TCF12: variants seen among roughly 807,000 people sequenced by gnomAD.
The protein encoded by TCF12 is transcription factor 12.
Under a neutral mutation model 86.0 loss-of-function variants are expected in TCF12, and 45 were observed. That is an observed-to-expected ratio of 0.52 (90% confidence interval 0.41 to 0.67). The LOEUF is 0.67. Among genes scored for constraint, TCF12 ranks in the 30% least tolerant of loss-of-function variants. The probability of loss-of-function intolerance (pLI) is 0.00; values close to 1 mark genes in which losing one functional copy is unlikely to be tolerated. For synonymous variants in TCF12, 330 were observed against 299.6 expected (o/e 1.10, Z -1.05); for missense variants, 881 against 859.9 (o/e 1.02, Z -0.31).
intron 16 of TCF12, among the ~76,000 whole-genome samples, chr15:57,260,042 AGG>A (rs1461570989): frequency 1.8e-4 from 28 of 152,350 alleles, no homozygotes; most frequent in African/African-American, 6.3e-4. Context: ...GTCTAGTCTG[AGG>A]CCATTTTTTT....
intron 3 of TCF12, among the ~76,000 whole-genome samples, chr15:57,019,684 T>G (rs186635950): frequency 6.1e-4 from 93 of 152,172 alleles, no homozygotes; most frequent in African/African-American, 2.1e-3. Context: ...GTTGTCAGAA[T>G]GAAAAATTTT....
At chr15:56,941,674 T>G (rs568903101) in intron 3 of TCF12, among the ~76,000 whole-genome samples, 74 of 140,842 alleles carry the variant, frequency 5.3e-4, no homozygotes, top group South Asian at 1.6e-3. Context: ...GTGCCTGGTC[T>G]TCTTCTTCTT....
intron 3 of TCF12, among the ~76,000 whole-genome samples, chr15:57,053,136 A>G (rs1159743181): frequency 6.6e-6 from 1 of 152,096 alleles, no homozygotes; most frequent in African/African-American, 2.4e-5. Flanking sequence ...TTTCTTGTGT[A>G]TGTGTGTTTT....
At position 57,160,334 on chromosome 15, in the gene TCF12, A is replaced by C. The variant is rs780306181; in HGVS notation, c.326-6068A>C. ...AAAAGTGCAGAGCAAAGGGGGGAAA[A>C]GTCCCTTATAAAACCATCAGATCTC... is the stretch of plus-strand genomic sequence containing the variant. On this transcript the variant is annotated intron_variant, in intron 5 of 20. Coordinates refer to ENST00000333725, the MANE Select transcript of TCF12 (RefSeq NM_207037.2). Among the ~76,000 whole-genome samples, 7 of 152,282 alleles carry C rather than the reference A, an allele frequency of 4.6e-5. No individual in the cohort carries two copies. In the East Asian group the frequency reaches 1.2e-3, roughly 25 times the overall value.
At chr15:57,268,693 G>A (rs1270226299) in intron 18 of TCF12, among the ~76,000 whole-genome samples, 2 of 152,058 alleles carry the variant, frequency 1.3e-5, no homozygotes, top group African/African-American at 4.8e-5. Context: ...CTTTCTATAA[G>A]CTGTTACAGA....
chr15:57,006,787 G>A (rs1312005282), intron 3 of TCF12, among the ~76,000 whole-genome samples: 1 of 151,856 alleles, frequency 6.6e-6, no homozygotes, highest in Non-Finnish European at 1.5e-5. Context: ...GTGGTGGCAT[G>A]CGTCTGTGGT....
chr15:57,057,682 A>G (rs555597649), intron 3 of TCF12, among the ~76,000 whole-genome samples: 18 of 152,268 alleles, frequency 1.2e-4, no homozygotes, highest in African/African-American at 3.4e-4. Context: ...GTTTATTAGT[A>G]ATTCTGAATG....
At chr15:56,966,024 T>C (rs2061984777) in intron 3 of TCF12, among the ~76,000 whole-genome samples, 1 of 152,182 alleles carries the variant, frequency 6.6e-6, no homozygotes, top group South Asian at 2.1e-4. Context: ...TGAATATTTG[T>C]TGTATTTTGC....
chr15:57,003,677 T>G (rs1469226678), intron 3 of TCF12, among the ~76,000 whole-genome samples: 1 of 152,214 alleles, frequency 6.6e-6, no homozygotes, highest in Admixed American at 6.5e-5. Context: ...TTTTTTGTTA[T>G]CCCGTGTGTG....
chr15:56,918,608 C>A (rs574933602), upstream of TCF12: 2 of 226,850 alleles, frequency 8.8e-6, no homozygotes, highest in Admixed American at 5.5e-5. Flanking sequence ...GAAGGGTTAA[C>A]CCGCGGCTCT....
chr15:57,159,013 C>A (rs1158562435), intron 5 of TCF12, among the ~76,000 whole-genome samples: 2 of 152,180 alleles, frequency 1.3e-5, no homozygotes, highest in African/African-American at 4.8e-5. Context: ...AAAATCTGGT[C>A]AATTAAGATC....
intron 12 of TCF12, among the ~76,000 whole-genome samples, chr15:57,241,289 A>G (rs1460063772): frequency 2.6e-5 from 4 of 151,870 alleles, no homozygotes; most frequent in African/African-American, 9.7e-5. Flanking sequence ...ACGGGGTTTC[A>G]GCATGTTGGC....
In TCF12 at chr15:56,951,954, T is replaced by C. The variant is rs539737651; in HGVS notation, c.148+30856T>C. On this transcript the variant is annotated intron_variant, in intron 3 of 20. Coordinates refer to ENST00000333725, the MANE Select transcript of TCF12 (RefSeq NM_207037.2). ...CCAGCCACTGCACACGGCCTTACTTTTAGAACTTTTAAGATTTTCTTTCAC... is the reference window on the plus strand; with the variant it reads ...CCAGCCACTGCACACGGCCTTACTTCTAGAACTTTTAAGATTTTCTTTCAC... 7.9e-5 allele frequency among the ~76,000 whole-genome samples: 12 copies of C among 152,286 alleles called. 1 individual carries two copies. The highest frequency in any genetic ancestry group is 2.6e-4 in the African/African-American group (11 of 41,570).
chr15:57,096,094 A>C (rs1430503603), intron 5 of TCF12, among the ~76,000 whole-genome samples: 2 of 152,070 alleles, frequency 1.3e-5, no homozygotes, highest in African/African-American at 4.8e-5. Context: ...CAGATTTTTT[A>C]CTAGCTCAGC....
intron 3 of TCF12, among the ~76,000 whole-genome samples, chr15:56,952,404 A>ATGTTT (rs2061321641): frequency 1.3e-5 from 2 of 149,910 alleles, no homozygotes; most frequent in African/African-American, 4.9e-5. Flanking sequence ...AAATGTCAGT[A>ATGTTT]CTGTTGTGTC....
intron 5 of TCF12, among the ~76,000 whole-genome samples, chr15:57,117,341 A>G (rs1242280610): frequency 1.3e-5 from 2 of 152,180 alleles, no homozygotes; most frequent in Non-Finnish European, 2.9e-5. Flanking sequence ...CCTTCTTAGC[A>G]TCTTTAAAAC....
At chr15:57,114,762 AT>A (rs2050727516) in intron 5 of TCF12, among the ~76,000 whole-genome samples, 2 of 152,218 alleles carry the variant, frequency 1.3e-5, no homozygotes. Context: ...ATAGAACAAC[AT>A]TCTTGGTTTC....
At chr15:57,241,154 C>T (rs1597560575) in intron 12 of TCF12, among the ~76,000 whole-genome samples, 2 of 151,744 alleles carry the variant, frequency 1.3e-5, no homozygotes, top group South Asian at 4.2e-4. Flanking sequence ...AGTGCAGTGG[C>T]TCGATCTCGG....
chr15:57,233,894 TTAA>T lies in TCF12; in HGVS notation c.971-145_971-143del. The stretch of plus-strand genomic sequence containing the variant: ...TGGTAAAGACCTCATCTTTAGTTTA[TTAA>T]TAAGTACAACACATGTAGAGTATTT... On this transcript the variant is annotated intron_variant, in intron 11 of 20. Transcript: ENST00000333725. 8 of 611,494 alleles carry T rather than the reference TTAA, an allele frequency of 1.3e-5. No individual in the cohort carries two copies. In the South Asian group the frequency reaches 1.6e-4, roughly 12 times the overall value. The allele number at this position is 611,494 out of a possible 1,614,324, so 37.9% of individuals were successfully genotyped here.
Sources: allele counts gnomAD v4.1 joint callset (sites outside exome capture counted in the v4.1 genomes callset), GRCh38; gene constraint gnomAD v4.1.1; transcripts MANE v1.5; gene names NCBI Gene and HGNC (gene_info 2026-07-23, HGNC 2026-07-21).